Variants in TCF7L2 observed in about 807,000 individuals in gnomAD.
TCF7L2 encodes the protein transcription factor 7 like 2, also known as transcription factor 7-like 2.
TCF7L2 carries 23 observed loss-of-function variants against 77.9 expected under a neutral mutation model. That is an observed-to-expected ratio of 0.30 (90% CI 0.21 to 0.42). TCF7L2 has a LOEUF of 0.42. Among genes scored for constraint, TCF7L2 ranks in the 10% least tolerant of loss-of-function variants. The pLI, the probability that TCF7L2 is intolerant of heterozygous loss-of-function variation, is 1.00. For missense variants in TCF7L2, 654 were observed against 793.1 expected (o/e 0.82, Z 2.11); for synonymous variants, 413 against 340.2 (o/e 1.21, Z -2.36).
intron 4 of TCF7L2, among the ~76,000 whole-genome samples, chr10:112,966,184 T>TTATATTTATATATATATATATATATATA (rs1554876897): frequency 1.8e-5 from 2 of 114,280 alleles, no homozygotes; most frequent in African/African-American, 9.5e-5. Flanking sequence ...TAAAATATAT[T>TTATATTTATATATATATATATATATATA]TATATATATA....
chr10:112,976,509 T>C (rs1441384887), intron 4 of TCF7L2, among the ~76,000 whole-genome samples: 1 of 152,182 alleles, frequency 6.6e-6, no homozygotes, highest in Non-Finnish European at 1.5e-5. Context: ...AGAGATTGTG[T>C]TTTACTCATA....
intron 11 of TCF7L2, among the ~76,000 whole-genome samples, chr10:113,154,372 C>CT (rs1212539580): frequency 1.3e-5 from 2 of 152,172 alleles, no homozygotes; most frequent in African/African-American, 2.4e-5. Flanking sequence ...AGACCCAATT[C>CT]TTTGAGTAAT....
chr10:113,149,564 G>A (rs2070290249), intron 8 of TCF7L2, among the ~76,000 whole-genome samples: 1 of 152,156 alleles, frequency 6.6e-6, no homozygotes, highest in Non-Finnish European at 1.5e-5. Flanking sequence ...TCAAATTAAT[G>A]TTTGTTACCT....
At chr10:113,002,812 T>C (rs2044732767) in intron 4 of TCF7L2, among the ~76,000 whole-genome samples, 1 of 152,192 alleles carries the variant, frequency 6.6e-6, no homozygotes. Context: ...AAAACCACAT[T>C]ATCCCTCCAC....
intron 4 of TCF7L2, among the ~76,000 whole-genome samples, chr10:113,008,452 T>C (rs2133538237): frequency 6.6e-6 from 1 of 152,338 alleles, no homozygotes; most frequent in South Asian, 2.1e-4. Context: ...ATCAGCACTA[T>C]GCTGCCAGAA....
chr10:113,086,762 A>G (rs993702552), intron 5 of TCF7L2, among the ~76,000 whole-genome samples: 2 of 103,452 alleles, frequency 1.9e-5, no homozygotes, highest in Admixed American at 9.5e-5. Flanking sequence ...ACTCAAAAGG[A>G]AAAAAAAAAA....
At chr10:113,129,845 G>A in intron 5 of TCF7L2, 1 of 1,289,666 alleles carries the variant, frequency 7.8e-7, no homozygotes, top group Non-Finnish European at 1.0e-6. Flanking sequence ...GAGGTGGAGA[G>A]AGGGAAAACC....
rs143750074 is a variant in TCF7L2, at chr10:113,075,758, T to G, written c.552+35632T>G. Among the ~76,000 whole-genome samples the G allele has an allele frequency of 9.2e-5, 14 of 152,334 alleles. No homozygotes were observed. The East Asian group carries it at 2.7e-3, about 29-fold the overall frequency. On this transcript the variant is annotated intron_variant, in intron 5 of 13. Coordinates refer to ENST00000627217, the MANE Select transcript of TCF7L2 (RefSeq NM_001146274.2). ...GATCCTACCTGGTTAGTGAAAGAGA[T>G]AATGTGAAGTCATTGCATTTGCATT...
intron 4 of TCF7L2, among the ~76,000 whole-genome samples, chr10:112,976,359 G>A (rs1268273122): frequency 6.6e-6 from 1 of 152,198 alleles, no homozygotes; most frequent in Non-Finnish European, 1.5e-5. Flanking sequence ...TATCTTTGCT[G>A]TGTAACAAAG....
chr10:113,043,529 G>A (rs993318129), intron 5 of TCF7L2, among the ~76,000 whole-genome samples: 1 of 152,118 alleles, frequency 6.6e-6, no homozygotes, highest in Non-Finnish European at 1.5e-5. Context: ...TTCATTGGCT[G>A]GCCCAAAACT....
Position 113,152,313 on chromosome 10 carries a change from G to A in TCF7L2, c.1162-20G>A, listed in dbSNP as rs769342233. 6.3e-7 allele frequency: 1 copy of A among 1,594,308 alleles called. No individual in the cohort carries two copies. The highest frequency in any genetic ancestry group is 8.6e-7 in the Non-Finnish European group (1 of 1,161,980). Reference sequence around the variant, plus strand: ...CTCTTTGTTCATGTCTTTCTCATCTGTACCCCACGTCCCCTCCAGTGGCAT... The same window carrying A: ...CTCTTTGTTCATGTCTTTCTCATCTATACCCCACGTCCCCTCCAGTGGCAT... On this transcript the variant is annotated intron_variant, in intron 10 of 13. Transcript: ENST00000627217.
intron 4 of TCF7L2, among the ~76,000 whole-genome samples, chr10:113,014,762 G>A (rs1372576202): frequency 6.6e-6 from 1 of 152,124 alleles, no homozygotes; most frequent in Non-Finnish European, 1.5e-5. Flanking sequence ...CTCCAGCCTG[G>A]GCGACAGAGC....
chr10:113,020,865 C>T (rs781350261), intron 4 of TCF7L2, among the ~76,000 whole-genome samples: 24 of 152,066 alleles, frequency 1.6e-4, no homozygotes, highest in Non-Finnish European at 2.9e-4. Flanking sequence ...GGACTCTTTG[C>T]ATCTACAGAA....
At chr10:113,034,346 G>T (rs956646457) in intron 4 of TCF7L2, among the ~76,000 whole-genome samples, 4 of 152,168 alleles carry the variant, frequency 2.6e-5, no homozygotes, top group African/African-American at 7.2e-5. Context: ...GCGGTCTTTT[G>T]TGTTGCATAT....
rs142038809 is a variant in TCF7L2, at chr10:112,999,600, T to C, written c.450+34976T>C. ...TAGCGTTGCTGGTTAGTTATTCTCA[T>C]GGTGTGGATGAAAAATGGAATACGC... On this transcript the variant is annotated intron_variant, in intron 4 of 13. Transcript: ENST00000627217. Among the ~76,000 whole-genome samples, 502 of 152,296 alleles carry C rather than the reference T, an allele frequency of 3.3e-3. 10 individuals are homozygous for C. The highest frequency in any genetic ancestry group is 0.017 in the East Asian group (86 of 5,182).
chr10:113,101,949 G>C (rs568445214), intron 5 of TCF7L2, among the ~76,000 whole-genome samples: 1 of 150,502 alleles, frequency 6.6e-6, no homozygotes, highest in South Asian at 2.1e-4. Context: ...GACCAGCCTG[G>C]GCAACATAGT....
intron 7 of TCF7L2, 57 bp from the exon 8 acceptor site, chr10:113,145,954 C>A (rs2136983804): frequency 7.2e-7 from 1 of 1,386,220 alleles, no homozygotes. Flanking sequence ...TCTTCTTTTT[C>A]TTGTCCCCAC....
At chr10:113,130,316 G>A (rs891955681) in intron 5 of TCF7L2, among the ~76,000 whole-genome samples, 2 of 152,138 alleles carry the variant, frequency 1.3e-5, no homozygotes, top group Admixed American at 6.5e-5. Context: ...GGGGTGGTAC[G>A]GTTTGGAATT....
At chr10:113,139,453 T>G (rs1262331057) in intron 5 of TCF7L2, among the ~76,000 whole-genome samples, 1 of 152,188 alleles carries the variant, frequency 6.6e-6, no homozygotes, top group African/African-American at 2.4e-5. Flanking sequence ...GCCCCGCCCT[T>G]CATGGCTGCC....
Sources: allele counts gnomAD v4.1 joint callset (sites outside exome capture counted in the v4.1 genomes callset), GRCh38; gene constraint gnomAD v4.1.1; transcripts MANE v1.5; gene names NCBI Gene and HGNC (gene_info 2026-07-23, HGNC 2026-07-21).